The following QNG1 variants were observed in gnomAD, a reference collection of about 807,000 sequenced individuals.
QNG1 encodes queuosine 5'-phosphate N-glycosylase/hydrolase.
chr9:83,951,279 A>C, the QNG1 span, among the ~76,000 whole-genome samples: 1 of 151,644 alleles, frequency 6.6e-6, no homozygotes, highest in African/African-American at 2.4e-5. Flanking sequence ...CAAAAAACAA[A>C]GGCTGGCATG....
the QNG1 span, chr9:83,956,428 TGTC>T: frequency 6.3e-7 from 1 of 1,576,656 alleles, no homozygotes; most frequent in Non-Finnish European, 8.6e-7. Flanking sequence ...ACGCCTCCGC[TGTC>T]AATAAACACA....
the QNG1 span, among the ~76,000 whole-genome samples, chr9:83,947,392 C>T: frequency 6.6e-6 from 1 of 152,314 alleles, no homozygotes. Flanking sequence ...CCTGTCATAA[C>T]AAGAAATAAC....
the QNG1 span, chr9:83,939,865 CG>C: frequency 1.5e-6 from 1 of 676,328 alleles, no homozygotes. Context: ...AAATCTCAGA[CG>C]TTATTTTTGG....
chr9:83,945,023 G>T, the QNG1 span: 1 of 1,493,346 alleles, frequency 6.7e-7, no homozygotes, highest in Non-Finnish European at 9.1e-7. Flanking sequence ...CGTTATTTGA[G>T]TATCTGAAAG....
chr9:83,949,409 C>T, the QNG1 span, among the ~76,000 whole-genome samples: 15 of 152,102 alleles, frequency 9.9e-5, 1 homozygote, highest in African/African-American at 2.9e-4. Context: ...TTTGGGAGGC[C>T]GAGGCGGGTG....
the QNG1 span, chr9:83,953,836 C>T: frequency 6.5e-7 from 1 of 1,542,638 alleles, no homozygotes; most frequent in African/African-American, 1.4e-5. Flanking sequence ...ATCATTTGTT[C>T]AAGTACACTG....
chr9:83,939,721 G>C, the QNG1 span: 3 of 1,614,002 alleles, frequency 1.9e-6, no homozygotes, highest in Non-Finnish European at 2.5e-6. Context: ...CCTCTTGCCT[G>C]TCTCCATATG....
the QNG1 span, chr9:83,956,584 C>T: frequency 2.1e-5 from 25 of 1,193,536 alleles, no homozygotes; most frequent in Non-Finnish European, 2.2e-5. Context: ...TACTACGAAC[C>T]GCGCGATCAC....
At chr9:83,942,473 A>G in the QNG1 span, among the ~76,000 whole-genome samples, 2 of 152,204 alleles carry the variant, frequency 1.3e-5, no homozygotes, top group East Asian at 3.8e-4. Flanking sequence ...TGTCCCTGAG[A>G]TACCCAGATG....
chr9:83,956,806 G>A, the QNG1 span: 1 of 316,554 alleles, frequency 3.2e-6, no homozygotes, highest in Admixed American at 4.4e-5. Flanking sequence ...GGTTCCAAAG[G>A]TCTGGAAACT....
chr9:83,941,239 T>C, the QNG1 span, among the ~76,000 whole-genome samples: 399 of 152,282 alleles, frequency 2.6e-3, no homozygotes, highest in Non-Finnish European at 3.9e-3. Flanking sequence ...CAGCAATAGA[T>C]AATAGTAGTG....
the QNG1 span, chr9:83,944,698 A>C: frequency 1.1e-6 from 1 of 913,366 alleles, no homozygotes; most frequent in South Asian, 1.6e-5. Context: ...AATAAATAGT[A>C]CTTTTTTTTT....
At chr9:83,949,641 T>C in the QNG1 span, among the ~76,000 whole-genome samples, 2 of 151,928 alleles carry the variant, frequency 1.3e-5, no homozygotes, top group Admixed American at 6.6e-5. Flanking sequence ...AATGAAACTC[T>C]GTCTCAAGGG....
chr9:83,948,014 G>A, the QNG1 span, among the ~76,000 whole-genome samples: 1 of 139,872 alleles, frequency 7.1e-6, no homozygotes, highest in South Asian at 2.3e-4. Context: ...CGGCCGCCCA[G>A]TCTGGGAAGT....
chr9:83,943,625 C>G, the QNG1 span, among the ~76,000 whole-genome samples: 1 of 152,116 alleles, frequency 6.6e-6, no homozygotes, highest in Non-Finnish European at 1.5e-5. Context: ...TAGAGCCAAC[C>G]ATAGGAATAA....
At chr9:83,950,311 G>A in the QNG1 span, among the ~76,000 whole-genome samples, 1 of 151,768 alleles carries the variant, frequency 6.6e-6, no homozygotes, top group East Asian at 1.9e-4. Context: ...GCCTCCCAAA[G>A]TGCAAGGATT....
chr9:83,944,749 T>C, the QNG1 span: 1 of 1,443,234 alleles, frequency 6.9e-7, no homozygotes, highest in African/African-American at 1.4e-5. Flanking sequence ...TAAACCGAGA[T>C]CCAACAATTC....
At chr9:83,956,978 C>A in the QNG1 span, 1 of 154,460 alleles carries the variant, frequency 6.5e-6, no homozygotes, top group Non-Finnish European at 1.4e-5. Context: ...GCTCCCACCC[C>A]TCTCCTTTCC....
At chr9:83,950,072 C>T in the QNG1 span, among the ~76,000 whole-genome samples, 21 of 138,856 alleles carry the variant, frequency 1.5e-4, no homozygotes, top group African/African-American at 4.6e-4. Context: ...TTTTTGGAGA[C>T]GGAGTCTTGC....
Sources: allele counts gnomAD v4.1 joint callset (sites outside exome capture counted in the v4.1 genomes callset), GRCh38; gene constraint gnomAD v4.1.1; transcripts MANE v1.5; gene names NCBI Gene and HGNC (gene_info 2026-07-23, HGNC 2026-07-21).